CSMD1: variants seen among roughly 807,000 people sequenced by gnomAD.
CSMD1 encodes the protein CUB and Sushi multiple domains 1.
CSMD1 carries 213 observed loss-of-function variants against 417.5 expected under a neutral mutation model. The ratio of observed to expected loss-of-function variants is 0.51; its 90% CI spans 0.46 to 0.57. The LOEUF (loss-of-function observed/expected upper bound fraction) is 0.57. CSMD1 is among the 20% of genes least tolerant of loss of function. The pLI is 0.00. For synonymous variants in CSMD1, 2,862 were observed against 1,736.8 expected (o/e 1.65, Z -16.11); for missense variants, 6,923 against 4,529.7 (o/e 1.53, Z -15.17).
chr8:4,046,599 T>G (rs2130666988), intron 3 of CSMD1, among the ~76,000 whole-genome samples: 1 of 152,378 alleles, frequency 6.6e-6, no homozygotes, highest in South Asian at 2.1e-4. Context: ...GAAGACCTAC[T>G]GTTGATTGTT....
At chr8:4,857,174 C>A (rs12546035) in intron 1 of CSMD1, among the ~76,000 whole-genome samples, 64,024 of 147,560 alleles carry the variant, frequency 0.43, 13,979 homozygotes, top group Non-Finnish European at 0.48. Flanking sequence ...CTACTGGGTA[C>A]ATAACGAAAT....
intron 12 of CSMD1, among the ~76,000 whole-genome samples, chr8:3,420,393 G>T (rs1457654280): frequency 2.0e-5 from 3 of 151,268 alleles, no homozygotes; most frequent in African/African-American, 7.3e-5. Flanking sequence ...GTGGATCTGG[G>T]TGGTTCCTGG....
chr8:3,853,831 G>C (rs1015790268), intron 5 of CSMD1, among the ~76,000 whole-genome samples: 1 of 148,374 alleles, frequency 6.7e-6, no homozygotes, highest in Non-Finnish European at 1.5e-5. Flanking sequence ...TAACAAACCT[G>C]CACATTGTGC....
At chr8:4,269,081 G>T (rs1170026764) in intron 3 of CSMD1, among the ~76,000 whole-genome samples, 1 of 152,116 alleles carries the variant, frequency 6.6e-6, no homozygotes, top group South Asian at 2.1e-4. Flanking sequence ...TTTTGAGACG[G>T]AGTCTCACTT....
At chr8:4,712,682 T>C (rs891288854) in intron 1 of CSMD1, among the ~76,000 whole-genome samples, 3 of 152,228 alleles carry the variant, frequency 2.0e-5, no homozygotes, top group Non-Finnish European at 1.5e-5. Context: ...ATTTCACAAA[T>C]AGATAATAAT....
At chr8:3,771,570 A>G (rs1798577522) in intron 5 of CSMD1, among the ~76,000 whole-genome samples, 1 of 152,152 alleles carries the variant, frequency 6.6e-6, no homozygotes, top group Non-Finnish European at 1.5e-5. Flanking sequence ...ACAGCCCTAG[A>G]GACCTGGAGA....
At chr8:4,432,932 C>G (rs539181863) in intron 2 of CSMD1, among the ~76,000 whole-genome samples, 1 of 152,230 alleles carries the variant, frequency 6.6e-6, no homozygotes, top group African/African-American at 2.4e-5. Context: ...GTTGTTTTCA[C>G]AGCTGCTCCC....
intron 3 of CSMD1, among the ~76,000 whole-genome samples, chr8:4,132,695 G>A (rs1258399114): frequency 6.6e-6 from 1 of 152,118 alleles, no homozygotes; most frequent in Non-Finnish European, 1.5e-5. Context: ...AACTCAATGT[G>A]GGGCTTCCAC....
At chr8:3,323,498 T>C (rs1806288837) in intron 23 of CSMD1, among the ~76,000 whole-genome samples, 1 of 152,144 alleles carries the variant, frequency 6.6e-6, no homozygotes, top group South Asian at 2.1e-4. Flanking sequence ...ACTCACACCA[T>C]TTTTAGAAGG....
At chr8:3,718,203 C>CT (rs1304091035) in intron 6 of CSMD1, among the ~76,000 whole-genome samples, 2 of 152,064 alleles carry the variant, frequency 1.3e-5, no homozygotes, top group Non-Finnish European at 2.9e-5. Context: ...ATAACTCTTT[C>CT]TTTTTTTAAA....
intron 1 of CSMD1, among the ~76,000 whole-genome samples, chr8:4,754,077 T>C (rs1408689715): frequency 6.6e-6 from 1 of 152,138 alleles, no homozygotes; most frequent in Non-Finnish European, 1.5e-5. Context: ...TTGCTCACCA[T>C]ATTTAGAAAT....
At position 4,659,757 on chromosome 8, in the gene CSMD1, G is replaced by A. The variant is rs75522497; in HGVS notation, c.86-22199C>T. 6.2e-3 allele frequency among the ~76,000 whole-genome samples: 939 copies of A among 152,010 alleles called. 31 individuals carry two copies. The East Asian group carries it at 0.11, about 17-fold the overall frequency. ...AACATTGTGAATGTACTGACGCCTC[G>A]GATTTGTTCCTGAGAATGCTTAATT... On this transcript the variant is annotated intron_variant, in intron 1 of 69. Transcript: ENST00000635120.
chr8:3,382,085 C>G (rs1207446827), intron 18 of CSMD1, among the ~76,000 whole-genome samples: 1 of 152,038 alleles, frequency 6.6e-6, no homozygotes, highest in Non-Finnish European at 1.5e-5. Flanking sequence ...TGGCAAAACC[C>G]TGTCTCTACT....
chr8:4,584,686 C>A (rs570343871), intron 2 of CSMD1, among the ~76,000 whole-genome samples: 2 of 152,212 alleles, frequency 1.3e-5, no homozygotes, highest in East Asian at 3.9e-4. Context: ...AAGCATGTCG[C>A]CCAAGCCAGA....
chr8:4,599,825 G>T (rs1167875189), intron 2 of CSMD1, among the ~76,000 whole-genome samples: 3 of 152,116 alleles, frequency 2.0e-5, no homozygotes, highest in Non-Finnish European at 4.4e-5. Context: ...TCACAATAAT[G>T]CTCCTACATA....
chr8:4,263,434 G>C (rs776397825), intron 3 of CSMD1, among the ~76,000 whole-genome samples: 3 of 152,058 alleles, frequency 2.0e-5, no homozygotes, highest in Non-Finnish European at 2.9e-5. Flanking sequence ...ACATCGTATG[G>C]GACTGCTTTT....
At chr8:4,448,323 T>C (rs1798938470) in intron 2 of CSMD1, among the ~76,000 whole-genome samples, 1 of 152,160 alleles carries the variant, frequency 6.6e-6, no homozygotes, top group Admixed American at 6.5e-5. Context: ...TCTAGGAGGA[T>C]TTTTAATTTA....
At chr8:2,952,269 A>AAG (rs2128920203) in intron 65 of CSMD1, among the ~76,000 whole-genome samples, 1 of 152,288 alleles carries the variant, frequency 6.6e-6, no homozygotes, top group Admixed American at 6.5e-5. Flanking sequence ...ATGAAGATTC[A>AAG]TGTCTCCCTA....
intron 26 of CSMD1, among the ~76,000 whole-genome samples, chr8:3,251,030 G>A (rs1038126482): frequency 7.2e-5 from 11 of 152,058 alleles, no homozygotes; most frequent in African/African-American, 2.7e-4. Flanking sequence ...TCACTCTGAT[G>A]GTAGTTTCTT....
Sources: allele counts gnomAD v4.1 joint callset (sites outside exome capture counted in the v4.1 genomes callset), GRCh38; gene constraint gnomAD v4.1.1; transcripts MANE v1.5; gene names NCBI Gene and HGNC (gene_info 2026-07-23, HGNC 2026-07-21).